GNG4: variants seen among roughly 807,000 people sequenced by gnomAD.
The protein encoded by GNG4 is G protein subunit gamma 4.
A neutral mutation model predicts 5.8 loss-of-function variants in GNG4; 4 were observed. The observed-to-expected ratio is 0.69, with a 90% CI of 0.34 to 1.57. The LOEUF is 1.57. Among genes scored for constraint, GNG4 ranks in the 40% most tolerant of loss-of-function variants. The probability of loss-of-function intolerance (pLI) is 0.06; values close to 1 mark genes in which losing one functional copy is unlikely to be tolerated. For missense variants in GNG4, 96 were observed against 95.1 expected (o/e 1.01, Z -0.04); for synonymous variants, 29 against 32.9 (o/e 0.88, Z 0.41).
At chr1:235,598,157 C>G (rs772912176) in intron 1 of GNG4, among the ~76,000 whole-genome samples, 13 of 152,158 alleles carry the variant, frequency 8.5e-5, no homozygotes, top group Non-Finnish European at 1.6e-4. Flanking sequence ...TCAGAATCCT[C>G]TGGGAATGTA....
upstream of GNG4, among the ~76,000 whole-genome samples, chr1:235,650,159 T>C (rs1250122258): frequency 1.4e-5 from 2 of 142,708 alleles, no homozygotes; most frequent in South Asian, 4.9e-4. Flanking sequence ...CCACGCCCCC[T>C]GTCCCAGCAA....
rs185059306 is a variant in GNG4 at position 235,622,405 on chromosome 1, T to C, written c.-122-26894A>G. Among the ~76,000 whole-genome samples, 655 of 152,240 alleles carry C rather than the reference T, an allele frequency of 4.3e-3. 3 individuals are homozygous for C. The highest frequency in any genetic ancestry group is 6.3e-3 in the Non-Finnish European group (430 of 68,004). On this transcript the variant is annotated intron_variant, in intron 1 of 3. Coordinates refer to ENST00000391854, the MANE Select transcript of GNG4 (RefSeq NM_001098722.2). ...TAGCTAAGGGGTGAGGCTGGAACTT[T>C]TGTGGTTCATAAAAAGAGTTAGATG... is the stretch of plus-strand genomic sequence containing the variant.
chr1:235,620,160 T>C (rs2102975756), intron 1 of GNG4, among the ~76,000 whole-genome samples: 1 of 152,232 alleles, frequency 6.6e-6, no homozygotes, highest in Admixed American at 6.5e-5. Context: ...GGTCGGGAGT[T>C]CGAGACCAGC....
rs776518439 is a variant in GNG4, at chr1:235,552,129, ACTT to A, written c.205_207del (p.Lys69del). On this transcript the variant is annotated inframe_deletion, in exon 4 of 4. Transcript: ENST00000391854. ...CGGAGTTAGAGAATGGTACAAAAGA[ACTT>A]CTTCTCGCGAAAGGGGTTTTCTGAT... 70 of 1,613,904 alleles carry A rather than the reference ACTT, an allele frequency of 4.3e-5. No individual in the cohort carries two copies. The highest frequency in any genetic ancestry group is 5.4e-5 in the Non-Finnish European group (64 of 1,179,860).
At chr1:235,616,934 G>T (rs1688604545) in intron 1 of GNG4, among the ~76,000 whole-genome samples, 1 of 95,980 alleles carries the variant, frequency 1.0e-5, no homozygotes, top group Non-Finnish European at 2.4e-5. Context: ...TTTCAGTAGA[G>T]ATGGGTTTTC....
At chr1:235,562,659 G>GAAAAAAAAAAAAAAAAAAA (rs1318706984) in intron 3 of GNG4, among the ~76,000 whole-genome samples, 1 of 51,306 alleles carries the variant, frequency 1.9e-5, no homozygotes, top group Non-Finnish European at 4.0e-5. Flanking sequence ...AAAAAAAAAA[G>GAAAAAAAAAAAAAAAAAAA]AAAAAAAAAA....
chr1:235,580,675 C>G lies in GNG4; in HGVS notation c.99+3065G>C, dbSNP rs550963887. Among the ~76,000 whole-genome samples, 142 of 152,226 alleles carry G rather than the reference C, an allele frequency of 9.3e-4. 4 individuals carry two copies. In the South Asian group the frequency reaches 0.027, roughly 29 times the overall value. On this transcript the variant is annotated intron_variant, in intron 3 of 3. Coordinates refer to ENST00000391854, the MANE Select transcript of GNG4 (RefSeq NM_001098722.2). Reference sequence around the variant, plus strand: ...GGATCTGAATTAGCCTCTGGCAGGCCCCCTGAGGAATCTTGCTTTCACGTT... The same window carrying G: ...GGATCTGAATTAGCCTCTGGCAGGCGCCCTGAGGAATCTTGCTTTCACGTT...
intron 1 of GNG4, among the ~76,000 whole-genome samples, chr1:235,643,684 G>T (rs1242247192): frequency 6.6e-6 from 1 of 152,184 alleles, no homozygotes; most frequent in African/African-American, 2.4e-5. Flanking sequence ...ACCCAGTAAT[G>T]AAAAGGAATG....
At chr1:235,597,631 T>TGTA (rs71174447) in intron 1 of GNG4, among the ~76,000 whole-genome samples, 5 of 107,882 alleles carry the variant, frequency 4.6e-5, no homozygotes, top group African/African-American at 2.2e-4. Context: ...TGTGTGTGTA[T>TGTA]TTTTTTTTTT....
chr1:235,633,175 G>A (rs1225104638), intron 1 of GNG4, among the ~76,000 whole-genome samples: 1 of 152,218 alleles, frequency 6.6e-6, no homozygotes, highest in Non-Finnish European at 1.5e-5. Flanking sequence ...AGTTGTTGTT[G>A]TTTTAATGAG....
At chr1:235,593,195 C>T (rs775842627) in intron 2 of GNG4, among the ~76,000 whole-genome samples, 3 of 152,122 alleles carry the variant, frequency 2.0e-5, no homozygotes, top group African/African-American at 2.4e-5. Context: ...GTCATCCACC[C>T]GTCTTGGCCT....
chr1:235,597,632 T>TGTGTA (rs1558491535), intron 1 of GNG4, among the ~76,000 whole-genome samples: 2 of 30,936 alleles, frequency 6.5e-5, no homozygotes, highest in African/African-American at 1.5e-4. Flanking sequence ...GTGTGTGTAT[T>TGTGTA]TTTTTTTTTT....
chr1:235,557,536 C>G (rs1686949171), intron 3 of GNG4, among the ~76,000 whole-genome samples: 1 of 152,130 alleles, frequency 6.6e-6, no homozygotes, highest in African/African-American at 2.4e-5. Context: ...CGCCAATCCC[C>G]TTCTGTCTAC....
chr1:235,570,761 T>C (rs1687314619), intron 3 of GNG4, among the ~76,000 whole-genome samples: 1 of 151,496 alleles, frequency 6.6e-6, no homozygotes, highest in African/African-American at 2.4e-5. Context: ...AGCGCCGCAA[T>C]CTCGGCTCTC....
In GNG4 at chr1:235,551,570, CAA is replaced by C. The variant is rs954906377; in HGVS notation, c.*537_*538del. On this transcript the variant is annotated 3_prime_UTR_variant, in exon 4 of 4. Coordinates refer to ENST00000391854, the MANE Select transcript of GNG4 (RefSeq NM_001098722.2). ...AACAACAACAACAACAAAAAAAAAA[CAA>C]AAGAAAACCATTCCAATCCTGTGGG... is the stretch of plus-strand genomic sequence containing the variant. 6.7e-6 allele frequency: 1 copy of C among 150,168 alleles called. No individual in the cohort carries two copies. Among genetic ancestry groups the C allele is most frequent in the African/African-American group, 2.5e-5 (1 of 40,458 alleles). The allele number at this position is 150,168 out of a possible 1,614,324, so 9.3% of individuals were successfully genotyped here.
rs2102906856 is a variant in GNG4, at chr1:235,552,064, G to T, written c.*45C>A. ...TTAGAGCATGCATGGTCTCTACAGG[G>T]GACTTTGAAGGTCAGAAAAGGAGGC... is the stretch of plus-strand genomic sequence containing the variant. On this transcript the variant is annotated 3_prime_UTR_variant, in exon 4 of 4. Coordinates refer to ENST00000391854, the MANE Select transcript of GNG4 (RefSeq NM_001098722.2). The T allele has an allele frequency of 6.3e-7, 1 of 1,592,918 alleles. No homozygotes were observed. The highest frequency in any genetic ancestry group is 8.6e-7 in the Non-Finnish European group (1 of 1,161,838).
At chr1:235,557,733 C>T (rs1198953304) in intron 3 of GNG4, among the ~76,000 whole-genome samples, 1 of 152,180 alleles carries the variant, frequency 6.6e-6, no homozygotes, top group Non-Finnish European at 1.5e-5. Flanking sequence ...CCAGTACATC[C>T]TGTACATCAT....
chr1:235,576,201 C>T (rs900602245), intron 3 of GNG4, among the ~76,000 whole-genome samples: 1 of 149,686 alleles, frequency 6.7e-6, no homozygotes, highest in Admixed American at 6.8e-5. Context: ...GCTGGGACTA[C>T]AGGCGCGTGC....
chr1:235,608,541 C>T (rs1050861592), intron 1 of GNG4, among the ~76,000 whole-genome samples: 6 of 152,206 alleles, frequency 3.9e-5, no homozygotes, highest in African/African-American at 1.4e-4. Flanking sequence ...CCCGCTCCTC[C>T]CAGATCCTGG....
Sources: gnomAD v4.1 joint callset for allele counts (sites outside exome capture counted in the v4.1 genomes callset) on GRCh38, gnomAD v4.1.1 for gene constraint, MANE v1.5 for transcripts, NCBI Gene and HGNC (gene_info 2026-07-23, HGNC 2026-07-21) for gene names.